Variants in CELF4 observed in about 807,000 individuals in gnomAD.
CELF4 encodes CUGBP Elav-like family member 4, also known as CUG-BP- and ETR-3-like factor 4.
A neutral mutation model predicts 59.9 loss-of-function variants in CELF4; 18 were observed. That is an observed-to-expected ratio of 0.30 (90% CI 0.21 to 0.45). The LOEUF is 0.45. Ranked by LOEUF, CELF4 falls within the 20% of genes least tolerant of loss-of-function variation. The pLI, the probability that CELF4 is intolerant of heterozygous loss-of-function variation, is 1.00. For synonymous variants in CELF4, 261 were observed against 267.1 expected (o/e 0.98, Z 0.22); for missense variants, 456 against 689.0 (o/e 0.66, Z 3.79).
Position 37,254,350 on chromosome 18 carries a change from G to T in CELF4, c.1334-412C>A, listed in dbSNP as rs1220595353. Among the ~76,000 whole-genome samples the T allele has an allele frequency of 1.3e-5, 2 of 151,906 alleles. No homozygotes were observed. The highest frequency in any genetic ancestry group is 4.8e-5 in the African/African-American group (2 of 41,402). On this transcript the variant is annotated intron_variant, in intron 11 of 12. Coordinates refer to ENST00000420428, the MANE Select transcript of CELF4 (RefSeq NM_020180.4). This position sits in a 1 kb window ranked among gnomAD's most constrained non-coding sequence, Gnocchi z 5.1. ...TGGACACTGTCCTCCCTGACAGGAG[G>T]GGGCCTGGCAGCGCGCGGGCACAGG...
intron 2 of CELF4, among the ~76,000 whole-genome samples, chr18:37,334,275 G>A (rs1038340535): frequency 2.0e-5 from 3 of 152,224 alleles, no homozygotes; most frequent in Non-Finnish European, 4.4e-5. Flanking sequence ...ATCTTCCAGA[G>A]GCTGCCCCCA....
At chr18:37,314,828 G>A (rs1033504447) in intron 3 of CELF4, among the ~76,000 whole-genome samples, 2 of 152,136 alleles carry the variant, frequency 1.3e-5, no homozygotes, top group Admixed American at 1.3e-4. Context: ...TGCCTGCTTT[G>A]CTGATCTGCC....
chr18:37,323,672 C>T (rs1052863625), intron 2 of CELF4, among the ~76,000 whole-genome samples: 3 of 152,214 alleles, frequency 2.0e-5, no homozygotes, highest in Non-Finnish European at 4.4e-5. Context: ...TAGCATTCTT[C>T]TCCCCCAAAC....
chr18:37,435,393 T>G (rs528016746), intron 2 of CELF4, among the ~76,000 whole-genome samples: 2 of 152,270 alleles, frequency 1.3e-5, no homozygotes, highest in East Asian at 3.9e-4. Flanking sequence ...TCTGACATGT[T>G]GCTGCCCTGC....
intron 1 of CELF4, among the ~76,000 whole-genome samples, chr18:37,492,300 C>T (rs1045291131): frequency 2.0e-5 from 3 of 152,152 alleles, no homozygotes; most frequent in African/African-American, 7.2e-5. Flanking sequence ...ATCCACCTGC[C>T]ATGGTGCCTG....
At chr18:37,539,757 G>T (rs2099976439) in intron 1 of CELF4, among the ~76,000 whole-genome samples, 1 of 152,210 alleles carries the variant, frequency 6.6e-6, no homozygotes, top group Non-Finnish European at 1.5e-5. Context: ...CCCTGGGCAT[G>T]TGGCTAGTAA....
At chr18:37,338,535 C>CG (rs1264799265) in intron 2 of CELF4, among the ~76,000 whole-genome samples, 3 of 151,854 alleles carry the variant, frequency 2.0e-5, no homozygotes, top group African/African-American at 4.8e-5. Context: ...GCTGGGGTGG[C>CG]GGGGGGGCTG....
At chr18:37,496,849 CGAA>C (rs1042657925) in intron 1 of CELF4, among the ~76,000 whole-genome samples, 7 of 152,148 alleles carry the variant, frequency 4.6e-5, no homozygotes, top group Admixed American at 2.0e-4. Flanking sequence ...AGGGCTGCGG[CGAA>C]GAAGGAGTTA....
chr18:37,391,067 C>T (rs115106834), intron 2 of CELF4, among the ~76,000 whole-genome samples: 2,520 of 152,138 alleles, frequency 0.017, 91 homozygotes, highest in African/African-American at 0.058. Flanking sequence ...CTCGTTTGGC[C>T]GGCCTGAGGT....
intron 2 of CELF4, among the ~76,000 whole-genome samples, chr18:37,456,792 C>T (rs1021303634): frequency 3.3e-5 from 5 of 152,146 alleles, no homozygotes; most frequent in African/African-American, 1.2e-4. Context: ...AGGTGAGAGG[C>T]AAAGATCCAC....
chr18:37,361,451 G>A (rs1007538905), intron 2 of CELF4, among the ~76,000 whole-genome samples: 6 of 152,162 alleles, frequency 3.9e-5, no homozygotes, highest in Non-Finnish European at 5.9e-5. Flanking sequence ...TGGGGTAACC[G>A]CATGCAGCTG....
chr18:37,283,510 C>A (rs1050859028), intron 3 of CELF4, among the ~76,000 whole-genome samples: 13 of 152,148 alleles, frequency 8.5e-5, no homozygotes, highest in African/African-American at 3.1e-4. Context: ...AGGTCCAATT[C>A]CTAAATCGCC....
chr18:37,307,104 G>C (rs2096453916), intron 3 of CELF4, among the ~76,000 whole-genome samples: 1 of 152,146 alleles, frequency 6.6e-6, no homozygotes, highest in Non-Finnish European at 1.5e-5. Context: ...AAGGTAGGTG[G>C]CTGTGATGGC....
intron 2 of CELF4, among the ~76,000 whole-genome samples, chr18:37,342,084 C>T (rs1253384684): frequency 1.3e-5 from 2 of 152,102 alleles, no homozygotes; most frequent in African/African-American, 2.4e-5. Context: ...AACAGTGGAG[C>T]TCATCCTTGG....
At chr18:37,453,814 G>A (rs1219892624) in intron 2 of CELF4, among the ~76,000 whole-genome samples, 1 of 152,180 alleles carries the variant, frequency 6.6e-6, no homozygotes, top group Non-Finnish European at 1.5e-5. Context: ...ATGCCGATAT[G>A]AGCCTCTGTA....
intron 1 of CELF4, among the ~76,000 whole-genome samples, chr18:37,510,862 G>A (rs1397123807): frequency 1.3e-5 from 2 of 152,308 alleles, no homozygotes; most frequent in Non-Finnish European, 2.9e-5. Flanking sequence ...TGCTGACCCA[G>A]GGGCTGTGCC....
chr18:37,334,553 T>C (rs1159520455), intron 2 of CELF4, among the ~76,000 whole-genome samples: 1 of 152,120 alleles, frequency 6.6e-6, no homozygotes, highest in East Asian at 1.9e-4. Flanking sequence ...CACCGGCGGC[T>C]GGACGGAGAC....
intron 2 of CELF4, among the ~76,000 whole-genome samples, chr18:37,362,930 C>G (rs1252642784): frequency 1.3e-5 from 2 of 152,218 alleles, no homozygotes; most frequent in Non-Finnish European, 2.9e-5. Flanking sequence ...TATTCCCTCT[C>G]AGGCCCCTCA....
intron 1 of CELF4, among the ~76,000 whole-genome samples, chr18:37,525,415 C>G (rs12607078): frequency 0.44 from 66,572 of 152,012 alleles, 15,678 homozygotes; most frequent in East Asian, 0.75. Context: ...TGGCGCCCTT[C>G]GGGGTGGCCT....
Sources: gnomAD v4.1 joint callset for allele counts (sites outside exome capture counted in the v4.1 genomes callset) on GRCh38, gnomAD v4.1.1 for gene constraint, Gnocchi (gnomAD v3.1) non-coding constraint, MANE v1.5 for transcripts, NCBI Gene and HGNC (gene_info 2026-07-23, HGNC 2026-07-21) for gene names.